WDFY1: variants seen among roughly 807,000 people sequenced by gnomAD.
The protein encoded by WDFY1 is WD repeat and FYVE domain containing 1.
In WDFY1, 32 loss-of-function variants were observed where a neutral mutation model predicts 56.4. The ratio of observed to expected loss-of-function variants is 0.57; its 90% CI spans 0.43 to 0.76. The LOEUF is 0.76. WDFY1 is among the 30% of genes least tolerant of loss of function. The pLI, the probability that WDFY1 is intolerant of heterozygous loss-of-function variation, is 0.00. For synonymous variants in WDFY1, 192 were observed against 197.3 expected (o/e 0.97, Z 0.23); for missense variants, 480 against 545.7 (o/e 0.88, Z 1.20).
intron 1 of WDFY1, 31 bp from the exon 2 acceptor site, chr2:223,918,041 AG>A: frequency 6.2e-7 from 1 of 1,603,298 alleles, no homozygotes; most frequent in South Asian, 1.1e-5. Flanking sequence ...AAAATAGAGT[AG>A]GTTTTAGTAA....
chr2:223,899,075 G>A lies in WDFY1; in HGVS notation c.486-5C>T, dbSNP rs1693454276. ...TACTGAGTGTCAAAGTCATATCTGA[G>A]GAGAAGCAGTCAAGGATGTAGAACA... On this transcript the variant is annotated splice_polypyrimidine_tract_variant and splice_region_variant and intron_variant, in intron 5 of 11. Coordinates refer to ENST00000233055, the MANE Select transcript of WDFY1 (RefSeq NM_020830.5). 1 of 1,611,810 alleles carries A rather than the reference G, an allele frequency of 6.2e-7. No individual in the cohort carries two copies. The highest frequency in any genetic ancestry group is 8.5e-7 in the Non-Finnish European group (1 of 1,177,948).
chr2:223,933,166 A>G (rs1299281711), intron 1 of WDFY1, among the ~76,000 whole-genome samples: 1 of 152,062 alleles, frequency 6.6e-6, no homozygotes, highest in Non-Finnish European at 1.5e-5. Flanking sequence ...GCTGAGAAAA[A>G]CAGAAATTTC....
chr2:223,931,531 T>A (rs1694072540), intron 1 of WDFY1, among the ~76,000 whole-genome samples: 1 of 152,192 alleles, frequency 6.6e-6, no homozygotes, highest in South Asian at 2.1e-4. Context: ...AAGGTTAAAA[T>A]ACACTTAAGG....
rs1349404636 is a variant in WDFY1 at position 223,880,117 on chromosome 2, A to G, written c.1173+7T>C. ...CTGAGATGCTGACAGACAATTAGCC[A>G]GCTTACCTTTACAATGCGGTCGGTC... On this transcript the variant is annotated splice_region_variant and intron_variant, in intron 11 of 11. Coordinates refer to ENST00000233055, the MANE Select transcript of WDFY1 (RefSeq NM_020830.5). 2 of 1,612,272 alleles carry G rather than the reference A, an allele frequency of 1.2e-6. No individual in the cohort carries two copies. The highest frequency in any genetic ancestry group is 1.7e-6 in the Non-Finnish European group (2 of 1,178,410).
intron 10 of WDFY1, among the ~76,000 whole-genome samples, chr2:223,881,096 C>A (rs1044251106): frequency 6.6e-6 from 1 of 152,206 alleles, no homozygotes; most frequent in Non-Finnish European, 1.5e-5. Context: ...TCTGTCCTAA[C>A]GGATTTGCCT....
chr2:223,896,178 A>AAAAAAAAAAAAAAAAAAC (rs1559165610), intron 6 of WDFY1, among the ~76,000 whole-genome samples: 2 of 148,018 alleles, frequency 1.4e-5, no homozygotes, highest in African/African-American at 5.1e-5. Flanking sequence ...AAAAAAAAAA[A>AAAAAAAAAAAAAAAAAAC]AAAAACTGCT....
At position 223,877,020 on chromosome 2, in the gene WDFY1, A is replaced by G. The variant is rs147837911; in HGVS notation, c.*1651T>C. On this transcript the variant is annotated 3_prime_UTR_variant, in exon 12 of 12. Coordinates refer to ENST00000233055, the MANE Select transcript of WDFY1 (RefSeq NM_020830.5). ...GAAAGTTTTTAAAAGAAATCTCTTT[A>G]GGTGATGTAACACGAAAACTCTAAG... 2.0e-5 allele frequency: 3 copies of G among 152,350 alleles called. No homozygotes were observed. The East Asian group carries it at 5.8e-4, about 29-fold the overall frequency. 9.4% of individuals were successfully genotyped at this position (152,350 alleles called of 1,614,324 possible). A position where few individuals can be genotyped will look rare whatever the true frequency, so the allele number is the denominator to read the frequency against.
chr2:223,928,021 C>T (rs1485101886), intron 1 of WDFY1, among the ~76,000 whole-genome samples: 1 of 152,148 alleles, frequency 6.6e-6, no homozygotes. Context: ...TCAGATCACA[C>T]ACACTATCAT....
Position 223,945,162 on chromosome 2 carries a change from C to T in WDFY1, c.123G>A (p.Thr41=). ...CCGGGCCCTACCTGTCCTCGCTGGC[C>T]GTGATCACGCCGTCCTCCTTGGGGA... ...LLIPKEDGVI[T]ASEDRTIRVW... The change falls in exon 1 of 12, where the codon ACG becomes ACA. Residue 41 remains threonine (T), a synonymous_variant. Coordinates refer to ENST00000233055, the MANE Select transcript of WDFY1 (RefSeq NM_020830.5). 1.3e-6 allele frequency: 2 copies of T among 1,595,612 alleles called. No homozygotes were observed. Among genetic ancestry groups the T allele is most frequent in the Non-Finnish European group, 8.5e-7 (1 of 1,174,818 alleles).
chr2:223,942,527 CTTTT>C (rs57223015), intron 1 of WDFY1, among the ~76,000 whole-genome samples: 2 of 74,220 alleles, frequency 2.7e-5, no homozygotes, highest in Non-Finnish European at 5.1e-5. Flanking sequence ...CAAAGGCTAA[CTTTT>C]TTTTTTTTTT....
rs752255742 is a variant in WDFY1 at position 223,878,692 on chromosome 2, C to A, written c.1212G>T (p.Ala404=). The A allele has an allele frequency of 6.2e-7, 1 of 1,614,084 alleles. No individual in the cohort carries two copies. The highest frequency in any genetic ancestry group is 1.1e-5 in the South Asian group (1 of 91,064). Residue 404 remains alanine, a synonymous_variant, in exon 12 of 12, where the codon GCG becomes GCT. Coordinates refer to ENST00000233055, the MANE Select transcript of WDFY1 (RefSeq NM_020830.5). ...DMTPVVGCSL[A]TGFSPH Reference sequence around the variant, plus strand: ...CAGATCAGTGCGGAGAAAACCCAGTCGCCAGACTGCAGCCCACCACAGGTG... The same window carrying A: ...CAGATCAGTGCGGAGAAAACCCAGTAGCCAGACTGCAGCCCACCACAGGTG...
At chr2:223,917,744 G>A (rs1185340526) in intron 2 of WDFY1, among the ~76,000 whole-genome samples, 199 bp downstream of exon 2, 1 of 151,998 alleles carries the variant, frequency 6.6e-6, no homozygotes, top group Non-Finnish European at 1.5e-5. Context: ...AGCTAATTTT[G>A]TATTTTTAGT....
At chr2:223,928,106 G>A (rs1694015874) in intron 1 of WDFY1, among the ~76,000 whole-genome samples, 1 of 152,092 alleles carries the variant, frequency 6.6e-6, no homozygotes, top group Admixed American at 6.6e-5. Context: ...AAAGATCACT[G>A]AACACAGACC....
At chr2:223,938,754 T>C (rs1659601317) in intron 1 of WDFY1, among the ~76,000 whole-genome samples, 1 of 152,014 alleles carries the variant, frequency 6.6e-6, no homozygotes, top group Non-Finnish European at 1.5e-5. Flanking sequence ...AGCTTTGTCA[T>C]ATGCAGTTTG....
At position 223,939,582 on chromosome 2, in the gene WDFY1, G is replaced by A. The variant is rs569061863; in HGVS notation, c.137+5566C>T. ...AATCATGGTGGAAGGCAGAAGACATGTCTTACATGGTAGCAGACAAGAGAG... is the reference window on the plus strand; with the variant it reads ...AATCATGGTGGAAGGCAGAAGACATATCTTACATGGTAGCAGACAAGAGAG... On this transcript the variant is annotated intron_variant, in intron 1 of 11. Coordinates refer to ENST00000233055, the MANE Select transcript of WDFY1 (RefSeq NM_020830.5). Among the ~76,000 whole-genome samples the A allele has an allele frequency of 2.6e-5, 4 of 152,286 alleles. No individual in the cohort carries two copies. The South Asian group carries it at 8.3e-4, about 32-fold the overall frequency.
At chr2:223,907,267 G>A (rs529250718) in intron 3 of WDFY1, among the ~76,000 whole-genome samples, 7 of 152,126 alleles carry the variant, frequency 4.6e-5, no homozygotes, top group South Asian at 2.1e-4. Context: ...ATGAGCCACC[G>A]TGCCCAGCCA....
intron 8 of WDFY1, among the ~76,000 whole-genome samples, chr2:223,886,860 C>G (rs1693182740): frequency 1.3e-5 from 2 of 151,852 alleles, no homozygotes; most frequent in African/African-American, 2.4e-5. Flanking sequence ...ATGGGTGCCC[C>G]TAGTTCTTCA....
At chr2:223,928,720 T>C (rs959584162) in intron 1 of WDFY1, among the ~76,000 whole-genome samples, 1 of 152,228 alleles carries the variant, frequency 6.6e-6, no homozygotes, top group African/African-American at 2.4e-5. Context: ...GTGGCACAAC[T>C]TTCCTTTTTT....
intron 2 of WDFY1, among the ~76,000 whole-genome samples, chr2:223,912,638 T>C (rs1238502680): frequency 6.6e-6 from 1 of 152,178 alleles, no homozygotes; most frequent in Admixed American, 6.5e-5. Context: ...GCTTGTAGTG[T>C]GTGACCTGCT....
Sources: allele counts gnomAD v4.1 joint callset (sites outside exome capture counted in the v4.1 genomes callset), GRCh38; gene constraint gnomAD v4.1.1; transcripts MANE v1.5; gene names NCBI Gene and HGNC (gene_info 2026-07-23, HGNC 2026-07-21).